The following LRMDA variants were observed in gnomAD, a reference collection of about 807,000 sequenced individuals.
LRMDA encodes leucine-rich melanocyte differentiation-associated protein.
A neutral mutation model predicts 29.8 loss-of-function variants in LRMDA; 18 were observed. The observed-to-expected ratio is 0.60, with a 90% CI of 0.42 to 0.90. The LOEUF (loss-of-function observed/expected upper bound fraction) is 0.90. Ranked by LOEUF, LRMDA falls within the 40% of genes least tolerant of loss-of-function variation. The pLI is 0.00. For synonymous variants in LRMDA, 125 were observed against 109.4 expected, an observed-to-expected ratio of 1.14 and a Z score of -0.89; for missense variants, 273 against 273.9, an observed-to-expected ratio of 1.00 and a Z score of 0.02.
At chr10:75,511,551 G>A (rs1212278055) in intron 2 of LRMDA, among the ~76,000 whole-genome samples, 1 of 152,122 alleles carries the variant, frequency 6.6e-6, no homozygotes, top group Admixed American at 6.5e-5. Context: ...TTTGTAAATT[G>A]GCCCAGCTTG....
chr10:76,514,658 G>A (rs1033382052), intron 6 of LRMDA, among the ~76,000 whole-genome samples: 3 of 152,138 alleles, frequency 2.0e-5, no homozygotes, highest in East Asian at 1.9e-4. Flanking sequence ...TGTGCCAAGC[G>A]AGGGAGCACA....
chr10:75,760,725 A>G (rs757389937), intron 2 of LRMDA, among the ~76,000 whole-genome samples: 7 of 152,118 alleles, frequency 4.6e-5, no homozygotes, highest in Non-Finnish European at 8.8e-5. Flanking sequence ...TGGATGAGGA[A>G]CTCAGATCCA....
At chr10:76,127,619 G>A (rs11001622) in intron 5 of LRMDA, among the ~76,000 whole-genome samples, 24,699 of 150,864 alleles carry the variant, frequency 0.16, 2,253 homozygotes, top group Admixed American at 0.24. Context: ...GCAAGACTCA[G>A]TGTGTTTTAG....
At chr10:76,390,789 C>T (rs1458556399) in intron 6 of LRMDA, among the ~76,000 whole-genome samples, 4 of 152,172 alleles carry the variant, frequency 2.6e-5, no homozygotes, top group Non-Finnish European at 5.9e-5. Context: ...GATTTGTCAG[C>T]CCCCTTCCCC....
At position 76,233,392 on chromosome 10, in the gene LRMDA, A is replaced by T. The variant is rs145446385; in HGVS notation, c.517-91009A>T. Among the ~76,000 whole-genome samples, 487 of 152,264 alleles carry T rather than the reference A, an allele frequency of 3.2e-3. 1 individual carries two copies. The highest frequency in any genetic ancestry group is 5.1e-3 in the Admixed American group (78 of 15,294). On this transcript the variant is annotated intron_variant, in intron 5 of 6. Coordinates refer to ENST00000611255, the MANE Select transcript of LRMDA (RefSeq NM_001305581.2). ...GTTAGTTACCATCTTTTTGCTGGTG[A>T]AGGGTATTGTTTCAGAGTTGCTGGC...
intron 2 of LRMDA, among the ~76,000 whole-genome samples, chr10:75,804,877 G>A (rs955713023): frequency 6.6e-6 from 1 of 152,200 alleles, no homozygotes; most frequent in Admixed American, 6.5e-5. Context: ...TGGTCCCTGC[G>A]TTGACATGGC....
At chr10:75,957,813 C>G (rs543572234) in intron 2 of LRMDA, among the ~76,000 whole-genome samples, 6 of 152,086 alleles carry the variant, frequency 3.9e-5, no homozygotes, top group African/African-American at 1.4e-4. Context: ...TTATAAGAAG[C>G]TAATGTGATG....
chr10:76,265,166 A>C (rs1405911349), intron 5 of LRMDA, among the ~76,000 whole-genome samples: 1 of 152,170 alleles, frequency 6.6e-6, no homozygotes, highest in Non-Finnish European at 1.5e-5. Flanking sequence ...AGAAGCAGGA[A>C]ATTGTTGATC....
At chr10:76,490,225 T>TGAGAATATGTGTTCTGAG (rs1453916310) in intron 6 of LRMDA, among the ~76,000 whole-genome samples, 31 of 151,976 alleles carry the variant, frequency 2.0e-4, no homozygotes, top group African/African-American at 7.2e-4. Context: ...GATTTGTCCT[T>TGAGAATATGTGTTCTGAG]GAGAATATGT....
intron 6 of LRMDA, among the ~76,000 whole-genome samples, chr10:76,465,787 C>G (rs188513659): frequency 6.6e-6 from 1 of 152,046 alleles, no homozygotes; most frequent in African/African-American, 2.4e-5. Flanking sequence ...TGATTTCCTC[C>G]GAGAACCATG....
intron 2 of LRMDA, among the ~76,000 whole-genome samples, chr10:75,960,105 A>T (rs9415139): frequency 0.13 from 20,324 of 152,066 alleles, 1,786 homozygotes; most frequent in South Asian, 0.26. Context: ...TCGTGTCCAC[A>T]TGTTGCTTCA....
At chr10:75,585,916 T>C (rs1840649826) in intron 2 of LRMDA, among the ~76,000 whole-genome samples, 1 of 152,250 alleles carries the variant, frequency 6.6e-6, no homozygotes, top group Non-Finnish European at 1.5e-5. Context: ...ATAAGTGGAA[T>C]CATGCAGTCT....
At chr10:76,190,337 CAG>C (rs1480934312) in intron 5 of LRMDA, among the ~76,000 whole-genome samples, 1 of 152,110 alleles carries the variant, frequency 6.6e-6, no homozygotes, top group Non-Finnish European at 1.5e-5. Flanking sequence ...AAATTGGCAA[CAG>C]AATCCCTAAA....
intron 5 of LRMDA, among the ~76,000 whole-genome samples, chr10:76,253,541 G>C (rs536840648): frequency 3.3e-5 from 5 of 150,550 alleles, no homozygotes; most frequent in Admixed American, 1.3e-4. Context: ...GAGAGAGAGA[G>C]ATTGATTTGG....
At chr10:76,349,895 G>T (rs905451637) in intron 6 of LRMDA, among the ~76,000 whole-genome samples, 1 of 151,838 alleles carries the variant, frequency 6.6e-6, no homozygotes, top group Non-Finnish European at 1.5e-5. Context: ...AGATCAATAT[G>T]AACTATACTC....
intron 6 of LRMDA, among the ~76,000 whole-genome samples, chr10:76,404,192 C>G (rs1841878548): frequency 6.6e-6 from 1 of 152,142 alleles, no homozygotes; most frequent in South Asian, 2.1e-4. Flanking sequence ...ATTTTGAAAT[C>G]ACAGCAGTGG....
At chr10:75,885,394 G>A (rs979801547) in intron 2 of LRMDA, among the ~76,000 whole-genome samples, 5 of 152,194 alleles carry the variant, frequency 3.3e-5, no homozygotes, top group Non-Finnish European at 7.3e-5. Context: ...CTTTGGGCAA[G>A]CCTCTTCACT....
At chr10:75,919,272 G>A (rs1299493520) in intron 2 of LRMDA, among the ~76,000 whole-genome samples, 2 of 152,222 alleles carry the variant, frequency 1.3e-5, no homozygotes, top group Admixed American at 1.3e-4. Flanking sequence ...TGTCGGGGAT[G>A]TTTAGTCTAG....
intron 5 of LRMDA, among the ~76,000 whole-genome samples, chr10:76,176,224 C>T (rs962975895): frequency 1.3e-5 from 2 of 152,216 alleles, no homozygotes; most frequent in Non-Finnish European, 2.9e-5. Context: ...CTTTTCAACA[C>T]TCTGTCCTGT....
Sources: allele counts gnomAD v4.1 joint callset (sites outside exome capture counted in the v4.1 genomes callset), GRCh38; gene constraint gnomAD v4.1.1; transcripts MANE v1.5; gene names NCBI Gene and HGNC (gene_info 2026-07-23, HGNC 2026-07-21).